The following IDI1 variants were observed in gnomAD, a reference collection of about 807,000 sequenced individuals.
IDI1 encodes isopentenyl-diphosphate delta isomerase 1.
IDI1 carries 23 observed loss-of-function variants against 32.9 expected under a neutral mutation model. The ratio of observed to expected loss-of-function variants is 0.70; its 90% confidence interval spans 0.50 to 0.99. The LOEUF is 0.99. IDI1 is among the 50% of genes least tolerant of loss of function. The pLI is 0.00. For missense variants in IDI1, 326 were observed against 351.9 expected (o/e 0.93, Z 0.59); for synonymous variants, 133 against 128.2 (o/e 1.04, Z -0.25).
rs1259086597 is a variant in IDI1, at chr10:1,044,154, C to T, written c.158G>A (p.Arg53Lys). 1 of 1,613,126 alleles carries T rather than the reference C, an allele frequency of 6.2e-7. No individual in the cohort carries two copies. Among genetic ancestry groups the T allele is most frequent in the African/African-American group, 1.3e-5 (1 of 74,816 alleles). The change falls in exon 2 of 5, where the codon AGA becomes AAA. Residue 53 changes from arginine to lysine, a missense_variant. Coordinates refer to ENST00000381344, the MANE Select transcript of IDI1 (RefSeq NM_004508.4). ...TATTTCAGGCATCATTACAAAATGT[C>T]TGATCTGTTCTAGAACACTAATATT... ...RRLISVLEQI[R>K]HFVMMPEINT...
rs370854875 is a variant in IDI1, at chr10:1,043,277, A to G, written c.406+24T>C. ...AGTCAAATTAATGTACAAACACAAT[A>G]TTGTACATTAAAAGTGTACTAACCT... On this transcript the variant is annotated intron_variant, in intron 3 of 4. Transcript: ENST00000381344. The G allele has an allele frequency of 6.8e-6, 9 of 1,316,162 alleles. No individual in the cohort carries two copies. In the African/African-American group the frequency reaches 1.3e-4, roughly 19 times the overall value. 81.5% of individuals were successfully genotyped at this position (1,316,162 alleles called of 1,614,324 possible). A position where few individuals can be genotyped will look rare whatever the true frequency, so the allele number is the denominator to read the frequency against.
At chr10:1,044,201 C>A (rs748958903) in intron 1 of IDI1, 30 bp from the exon 2 acceptor site, 1 of 1,549,132 alleles carries the variant, frequency 6.5e-7, no homozygotes, top group Non-Finnish European at 8.8e-7. Context: ...GAAAGAAAGG[C>A]CATCATATAT....
chr10:1,049,277 A>G (rs1832914046), upstream of IDI1: 1 of 493,410 alleles, frequency 2.0e-6, no homozygotes, highest in African/African-American at 2.1e-5. Flanking sequence ...GGCGCTGCGA[A>G]CGGTGCCTAA....
At chr10:1,045,201 G>A (rs1443759937) in intron 1 of IDI1, among the ~76,000 whole-genome samples, 4 of 152,288 alleles carry the variant, frequency 2.6e-5, no homozygotes, top group Admixed American at 6.5e-5. Context: ...TGATTACAAC[G>A]TAAAGCACTT....
rs957753975 is a variant in IDI1, at chr10:1,040,734, G to A, written c.*453C>T. 2 of 155,328 alleles carry A rather than the reference G, an allele frequency of 1.3e-5. No homozygotes were observed. Among genetic ancestry groups the A allele is most frequent in the Non-Finnish European group, 2.9e-5 (2 of 70,072 alleles). 9.6% of individuals were successfully genotyped at this position (155,328 alleles called of 1,614,324 possible). On this transcript the variant is annotated 3_prime_UTR_variant, in exon 5 of 5. Transcript: ENST00000381344. ...TTAATTAAGACTGTTTTGAAGGAGC[G>A]AGACAATAGTTTCCTTTGCACATTT...
chr10:1,054,271 C>G, the IDI1 span, among the ~76,000 whole-genome samples: 2 of 152,126 alleles, frequency 1.3e-5, no homozygotes, highest in Non-Finnish European at 2.9e-5. Context: ...AAGTGATACA[C>G]ATGAAAACAG....
rs757417682 is a variant in IDI1, at chr10:1,042,722, ATTGCT to A, written c.442_446del (p.Asn149SerfsTer4). On this transcript the variant is annotated frameshift_variant, in exon 4 of 5. Transcript: ENST00000381344. LOFTEE classifies it high-confidence loss of function. ...CGTCACTTTCCTCAAGCTCGGCTGGATTGCTTAATGGATGACTACAACACGTATTC... is the reference window on the plus strand; with the variant it reads ...CGTCACTTTCCTCAAGCTCGGCTGGATAATGGATGACTACAACACGTATTC... The A allele has an allele frequency of 6.2e-7, 1 of 1,614,012 alleles. No individual in the cohort carries two copies. The highest frequency in any genetic ancestry group is 1.7e-5 in the Admixed American group (1 of 60,020).
Position 1,041,246 on chromosome 10 carries a change from A to G in IDI1, c.796T>C (p.Trp266Arg), listed in dbSNP as rs55998315. 6.2e-7 allele frequency: 1 copy of G among 1,612,950 alleles called. No homozygotes were observed. Among genetic ancestry groups the G allele is most frequent in the Non-Finnish European group, 8.5e-7 (1 of 1,179,130 alleles). ...IIAATFLFKWWDNLNHLNQFV... is the reference protein window; with the variant it reads ...IIAATFLFKWRDNLNHLNQFV... ...TGATTCAAATGATTTAAGTTATCCC[A>G]CCATTTAAAGAGAAAAGTCGCTGCA... The change falls in exon 5 of 5, where the codon TGG becomes CGG. Residue 266 changes from tryptophan (W) to arginine (R), a missense_variant. Trp to Arg is a moderately radical substitution (Grantham distance 101, BLOSUM62 -3). Transcript: ENST00000381344.
intron 1 of IDI1, among the ~76,000 whole-genome samples, chr10:1,046,241 C>G (rs532132942): frequency 3.3e-5 from 5 of 152,314 alleles, no homozygotes; most frequent in African/African-American, 1.2e-4. Context: ...ACACTACAGA[C>G]TGCATATACT....
In IDI1 at chr10:1,049,109, C is replaced by A; in HGVS notation, c.-106G>T. 2 of 1,403,528 alleles carry A rather than the reference C, an allele frequency of 1.4e-6. No individual in the cohort carries two copies. The highest frequency in any genetic ancestry group is 9.2e-7 in the Non-Finnish European group (1 of 1,086,140). 86.9% of individuals were successfully genotyped at this position (1,403,528 alleles called of 1,614,324 possible). A position where few individuals can be genotyped will look rare whatever the true frequency, so the allele number is the denominator to read the frequency against. On this transcript the variant is annotated 5_prime_UTR_variant, in exon 1 of 5. Coordinates refer to ENST00000381344, the MANE Select transcript of IDI1 (RefSeq NM_004508.4). ...GTGACAACGGCAGACGCGCGAAGCA[C>A]CGGGAACCTGAGCCGTGACCGCGGG...
chr10:1,043,845 C>A (rs1012285185), intron 2 of IDI1, 154 bp downstream of exon 2: 2 of 677,226 alleles, frequency 3.0e-6, no homozygotes, highest in Middle Eastern at 3.7e-4. Flanking sequence ...GACAGCAAAG[C>A]AGATGCTAAT....
chr10:1,050,226 A>G (rs965262061), upstream of IDI1, among the ~76,000 whole-genome samples: 13 of 152,232 alleles, frequency 8.5e-5, no homozygotes, highest in Admixed American at 2.0e-4. Context: ...CGACACTAAC[A>G]TAAGTTATAT....
rs1832720958 is a variant in IDI1 at position 1,044,076 on chromosome 10, A to G, written c.236T>C (p.Ile79Thr). 3 of 1,613,310 alleles carry G rather than the reference A, an allele frequency of 1.9e-6. No homozygotes were observed. In the African/African-American group the frequency reaches 4.0e-5, roughly 22 times the overall value. ...TTTATTGTCATTTTCATCAATAAGG[A>G]TACACATCTCTGCCAGGAGTTGAAC... ...QQVQLLAEMC[I>T]LIDENDNKIG... is the part of the protein sequence containing the mutation. Residue 79 changes from isoleucine (I) to threonine (T), a missense_variant, in exon 2 of 5, where the codon ATC becomes ACC. Ile to Thr is a moderately conservative substitution (Grantham distance 89). Around this residue, in one of 2 missense-constraint regions of IDI1, gnomAD observed 205 missense variants for 273.5 expected, o/e 0.75. Coordinates refer to ENST00000381344, the MANE Select transcript of IDI1 (RefSeq NM_004508.4).
upstream of IDI1, chr10:1,049,293 G>C (rs527621206): frequency 1.4e-5 from 6 of 443,858 alleles, no homozygotes; most frequent in African/African-American, 2.1e-5. Flanking sequence ...CCTAACGTCA[G>C]ACGTCTCGAG....
At chr10:1,049,126 G>A, upstream of IDI1, 1 of 1,389,668 alleles carries the variant, frequency 7.2e-7, no homozygotes, top group South Asian at 1.6e-5. Context: ...CCTGAGCCGT[G>A]ACCGCGGGCT....
chr10:1,042,802 A>G, intron 3 of IDI1, 40 bp from the exon 4 acceptor site: 1 of 1,587,966 alleles, frequency 6.3e-7, no homozygotes, highest in Non-Finnish European at 8.6e-7. Flanking sequence ...ACTTTTCTTC[A>G]AAGTAGGTCT....
chr10:1,041,950 C>T (rs556416152), intron 4 of IDI1, among the ~76,000 whole-genome samples: 3 of 151,826 alleles, frequency 2.0e-5, no homozygotes, highest in South Asian at 2.1e-4. Context: ...GGATTACAGA[C>T]GTGCCGCCCC....
chr10:1,052,435 G>C (rs1482916155), upstream of IDI1, among the ~76,000 whole-genome samples: 1 of 152,182 alleles, frequency 6.6e-6, no homozygotes, highest in Non-Finnish European at 1.5e-5. Flanking sequence ...CTTAAATAAT[G>C]AGACTTGAAA....
intron 4 of IDI1, among the ~76,000 whole-genome samples, chr10:1,041,799 TC>T (rs1427480561): frequency 6.9e-6 from 1 of 144,510 alleles, no homozygotes. Context: ...GTGACATTCT[TC>T]TTTTTCTTCT....
Sources: allele counts gnomAD v4.1 joint callset (sites outside exome capture counted in the v4.1 genomes callset), GRCh38; gene constraint gnomAD v4.1.1; regional missense constraint gnomAD v4.1.1; transcripts MANE v1.5; gene names NCBI Gene and HGNC (gene_info 2026-07-23, HGNC 2026-07-21).